The following AFAP1 variants were observed in gnomAD, a reference collection of about 807,000 sequenced individuals.
AFAP1 encodes the protein actin filament-associated protein 1.
AFAP1 carries 75 observed loss-of-function variants against 93.9 expected under a neutral mutation model. That is an observed-to-expected ratio of 0.80 (90% CI 0.66 to 0.97). The LOEUF (loss-of-function observed/expected upper bound fraction) is 0.97. Among genes scored for constraint, AFAP1 ranks in the 50% least tolerant of loss-of-function variants. The pLI, the probability that AFAP1 is intolerant of heterozygous loss-of-function variation, is 0.00. For missense variants in AFAP1, 1,201 were observed against 1,050.8 expected (o/e 1.14, Z -1.98); for synonymous variants, 517 against 430.7 (o/e 1.20, Z -2.48).
At chr4:7,841,309 A>ACG (rs35981158) in intron 5 of AFAP1, among the ~76,000 whole-genome samples, 1 of 151,940 alleles carries the variant, frequency 6.6e-6, no homozygotes, top group African/African-American at 2.4e-5. Context: ...CCACACACAC[A>ACG]CACTGAATGC....
At chr4:7,861,168 G>T (rs1237693404) in intron 3 of AFAP1, among the ~76,000 whole-genome samples, 1 of 152,188 alleles carries the variant, frequency 6.6e-6, no homozygotes, top group East Asian at 1.9e-4. Context: ...AAATCTGTTA[G>T]GAGTAACAGC....
At chr4:7,794,419 A>AT (rs1161018767) in intron 10 of AFAP1, among the ~76,000 whole-genome samples, 3 of 152,226 alleles carry the variant, frequency 2.0e-5, no homozygotes, top group African/African-American at 7.2e-5. Context: ...TAGGCACACC[A>AT]TTTTTTAAGA....
chr4:7,903,113 C>T (rs182805981), intron 1 of AFAP1, among the ~76,000 whole-genome samples: 1 of 152,298 alleles, frequency 6.6e-6, no homozygotes, highest in African/African-American at 2.4e-5. Flanking sequence ...ATTCACAGAG[C>T]ATTTTCCAAA....
chr4:7,872,996 T>C (rs995908634), intron 1 of AFAP1, among the ~76,000 whole-genome samples: 1 of 142,466 alleles, frequency 7.0e-6, no homozygotes, highest in African/African-American at 2.6e-5. Flanking sequence ...ACGTCTGTAA[T>C]CCCAGCACTT....
intron 1 of AFAP1, among the ~76,000 whole-genome samples, chr4:7,928,549 A>G (rs879772724): frequency 5.9e-5 from 9 of 152,006 alleles, no homozygotes; most frequent in Admixed American, 3.9e-4. Context: ...CACCACACCC[A>G]GCTAATTTTT....
chr4:7,922,846 A>G (rs927162671), intron 1 of AFAP1, among the ~76,000 whole-genome samples: 4 of 152,262 alleles, frequency 2.6e-5, no homozygotes, highest in East Asian at 1.9e-4. Context: ...TTAGCTAGGC[A>G]TGGTAGCACA....
At position 7,843,120 on chromosome 4, in the gene AFAP1, G is replaced by A. The variant is rs1713255279; in HGVS notation, c.546+19C>T. 1.2e-6 allele frequency: 2 copies of A among 1,610,592 alleles called. No individual in the cohort carries two copies. Among genetic ancestry groups the A allele is most frequent in the Non-Finnish European group, 8.5e-7 (1 of 1,177,908 alleles). On this transcript the variant is annotated intron_variant, in intron 5 of 17. Transcript: ENST00000420658. ...TGCAGCAATCTTACAAAAAATGCAA[G>A]CGATTCCAAATGTCTTACCAGCAGT...
rs541445655 is a variant in AFAP1 at position 7,793,181 on chromosome 4, T to A, written c.1412+500A>T. On this transcript the variant is annotated intron_variant, in intron 11 of 17. Transcript: ENST00000420658. ...TGCAGCATTTTTTTTTTTAAAAAAA[T>A]CACAATTTAAATTTACAAAGTACTT... Among the ~76,000 whole-genome samples the A allele has an allele frequency of 1.7e-3, 257 of 147,224 alleles. 1 individual carries two copies. Among genetic ancestry groups the A allele is most frequent in the African/African-American group, 6.0e-3 (242 of 40,022 alleles).
intron 4 of AFAP1, 30 bp downstream of exon 4, chr4:7,855,436 C>A: frequency 6.6e-7 from 1 of 1,509,450 alleles, no homozygotes. Flanking sequence ...ATCACAAAGG[C>A]AGCATGGCTG....
chr4:7,937,181 G>A (rs547269161), intron 1 of AFAP1, among the ~76,000 whole-genome samples: 2 of 152,272 alleles, frequency 1.3e-5, no homozygotes, highest in East Asian at 3.9e-4. Flanking sequence ...TTTCATCATA[G>A]ATACTTGTCC....
intron 1 of AFAP1, among the ~76,000 whole-genome samples, chr4:7,921,019 T>C (rs1193683520): frequency 6.6e-6 from 1 of 151,496 alleles, no homozygotes; most frequent in Non-Finnish European, 1.5e-5. Flanking sequence ...AATAAATAAA[T>C]ATGGGTTTTT....
At position 7,857,881 on chromosome 4, in the gene AFAP1, G is replaced by A. The variant is rs907870497; in HGVS notation, c.226-2307C>T. Among the ~76,000 whole-genome samples, 6 of 152,144 alleles carry A rather than the reference G, an allele frequency of 3.9e-5. No homozygotes were observed. The South Asian group carries it at 1.0e-3, about 26-fold the overall frequency. On this transcript the variant is annotated intron_variant, in intron 3 of 17. Transcript: ENST00000420658. Reference sequence around the variant, plus strand: ...CTCTGAATCGATGGGGTTCTGAGCAGACACTTTCAAACCCTATTGGTGGTC... The same window carrying A: ...CTCTGAATCGATGGGGTTCTGAGCAAACACTTTCAAACCCTATTGGTGGTC...
chr4:7,862,157 A>C (rs1715777113), intron 3 of AFAP1: 1 of 151,350 alleles, frequency 6.6e-6, no homozygotes, highest in Non-Finnish European at 1.5e-5. Context: ...ACATGGAAAA[A>C]CCCCGTCTCC....
At chr4:7,863,318 G>A (rs7375284) in intron 3 of AFAP1, among the ~76,000 whole-genome samples, 48,834 of 151,884 alleles carry the variant, frequency 0.32, 8,156 homozygotes, top group South Asian at 0.45. Flanking sequence ...ACTTGGGAGG[G>A]TGAGGTGGGA....
At chr4:7,870,051 T>C (rs1401189134) in intron 2 of AFAP1, among the ~76,000 whole-genome samples, 3 of 152,170 alleles carry the variant, frequency 2.0e-5, no homozygotes, top group Non-Finnish European at 2.9e-5. Flanking sequence ...TTACTATGCA[T>C]CAGGCACTGT....
At chr4:7,863,604 T>C (rs1485561834) in intron 3 of AFAP1, among the ~76,000 whole-genome samples, 2 of 152,094 alleles carry the variant, frequency 1.3e-5, no homozygotes, top group African/African-American at 4.8e-5. Flanking sequence ...AAGTTCAAGA[T>C]TTCCACACTA....
At chr4:7,824,234 G>A (rs181253853) in intron 6 of AFAP1, among the ~76,000 whole-genome samples, 1 of 152,238 alleles carries the variant, frequency 6.6e-6, no homozygotes, top group Admixed American at 6.5e-5. Flanking sequence ...ATTCAGAATC[G>A]CAAATCCTCC....
chr4:7,800,436 T>G lies in AFAP1; in HGVS notation c.1266+6A>C. 6.2e-7 allele frequency: 1 copy of G among 1,613,876 alleles called. No individual in the cohort carries two copies. Among genetic ancestry groups the G allele is most frequent in the Non-Finnish European group, 8.5e-7 (1 of 1,179,940 alleles). On this transcript the variant is annotated splice_donor_region_variant and intron_variant, in intron 10 of 17. Coordinates refer to ENST00000420658, the MANE Select transcript of AFAP1 (RefSeq NM_001134647.2). ...TGTGGAGTACAGCCCCTGGGAAATATCCTACCTCCAATACTGCAACCTCCT... is the reference window on the plus strand; with the variant it reads ...TGTGGAGTACAGCCCCTGGGAAATAGCCTACCTCCAATACTGCAACCTCCT...
chr4:7,777,872 C>G (rs911758439), intron 14 of AFAP1: 6 of 152,208 alleles, frequency 3.9e-5, no homozygotes, highest in Non-Finnish European at 7.3e-5. Context: ...TATCTTTGAG[C>G]CCCTTGAGTG....
Sources: allele counts gnomAD v4.1 joint callset (sites outside exome capture counted in the v4.1 genomes callset), GRCh38; gene constraint gnomAD v4.1.1; transcripts MANE v1.5; gene names NCBI Gene and HGNC (gene_info 2026-07-23, HGNC 2026-07-21).